NCAM2: variants seen among roughly 807,000 people sequenced by gnomAD.
The protein encoded by NCAM2 is N-CAM-2.
A neutral mutation model predicts 98.1 loss-of-function variants in NCAM2; 30 were observed. The ratio of observed to expected loss-of-function variants is 0.31; its 90% CI spans 0.23 to 0.41. NCAM2 has a LOEUF of 0.41. NCAM2 is among the 10% of genes least tolerant of loss of function. The pLI is 1.00. For missense variants in NCAM2, 867 were observed against 1,005.8 expected, an observed-to-expected ratio of 0.86 and a Z score of 1.87; for synonymous variants, 368 against 342.4, an observed-to-expected ratio of 1.07 and a Z score of -0.83.
chr21:21,265,373 C>G (rs2072201818), intron 1 of NCAM2, among the ~76,000 whole-genome samples: 2 of 17,394 alleles, frequency 1.1e-4, no homozygotes, highest in South Asian at 6.7e-3. Flanking sequence ...TATATATACA[C>G]ATACACATAT....
At chr21:21,045,483 A>G (rs1427763911) in intron 1 of NCAM2, among the ~76,000 whole-genome samples, 2 of 152,098 alleles carry the variant, frequency 1.3e-5, no homozygotes, top group Non-Finnish European at 2.9e-5. Flanking sequence ...CATCTCTACA[A>G]CAAAATTTAT....
At chr21:21,196,092 C>T (rs999437945) in intron 1 of NCAM2, among the ~76,000 whole-genome samples, 1 of 152,160 alleles carries the variant, frequency 6.6e-6, no homozygotes, top group Non-Finnish European at 1.5e-5. Flanking sequence ...TAACCAAAAA[C>T]TCTTTAGTGT....
chr21:21,423,694 A>C (rs373846406), intron 11 of NCAM2, among the ~76,000 whole-genome samples: 17 of 151,956 alleles, frequency 1.1e-4, no homozygotes, highest in African/African-American at 4.1e-4. Context: ...TCAGTTCAGG[A>C]CTCTATACTT....
At position 21,428,439 on chromosome 21, in the gene NCAM2, A is replaced by G. The variant is rs114529326; in HGVS notation, c.1481-3669A>G. Among the ~76,000 whole-genome samples the G allele has an allele frequency of 7.6e-3, 1,161 of 152,326 alleles. 14 individuals are homozygous for G. Among genetic ancestry groups the G allele is most frequent in the African/African-American group, 0.027 (1,113 of 41,570 alleles). ...GATCGAGACTAATGTTGTAATGAAAATGAAGCTCCTGAATACCATTGCAGG... is the reference window on the plus strand; with the variant it reads ...GATCGAGACTAATGTTGTAATGAAAGTGAAGCTCCTGAATACCATTGCAGG... On this transcript the variant is annotated intron_variant, in intron 11 of 17. Transcript: ENST00000400546.
chr21:21,511,864 G>A (rs560090960), intron 16 of NCAM2, among the ~76,000 whole-genome samples: 5 of 151,790 alleles, frequency 3.3e-5, no homozygotes, highest in African/African-American at 1.2e-4. Context: ...AGCATTTTTT[G>A]TATACTTGCT....
chr21:21,471,882 G>C (rs985444136), intron 14 of NCAM2, among the ~76,000 whole-genome samples: 1 of 151,998 alleles, frequency 6.6e-6, no homozygotes, highest in Admixed American at 6.6e-5. Flanking sequence ...AACAGAACTA[G>C]AGTAATAAAA....
chr21:21,404,439 T>C (rs1314372825), intron 9 of NCAM2, among the ~76,000 whole-genome samples: 1 of 152,104 alleles, frequency 6.6e-6, no homozygotes, highest in East Asian at 1.9e-4. Context: ...TTTGCTTGGC[T>C]CTCATTCTGT....
intron 1 of NCAM2, among the ~76,000 whole-genome samples, chr21:21,218,916 G>A (rs9306009): frequency 0.085 from 12,972 of 152,228 alleles, 1,041 homozygotes; most frequent in East Asian, 0.34. Context: ...GGTGGCACAT[G>A]CCTGTAATCC....
chr21:21,494,838 T>C (rs1987103994), intron 15 of NCAM2, among the ~76,000 whole-genome samples: 3 of 151,896 alleles, frequency 2.0e-5, no homozygotes. Flanking sequence ...AATATTTATT[T>C]TTAAAATTTT....
chr21:21,081,002 GT>G (rs1180638781), intron 1 of NCAM2, among the ~76,000 whole-genome samples: 1 of 152,096 alleles, frequency 6.6e-6, no homozygotes, highest in Non-Finnish European at 1.5e-5. Flanking sequence ...CAAGTGCACG[GT>G]TTGACCTTTT....
At chr21:21,277,186 G>A (rs543011337) in intron 1 of NCAM2, among the ~76,000 whole-genome samples, 2 of 151,904 alleles carry the variant, frequency 1.3e-5, no homozygotes, top group Admixed American at 6.6e-5. Context: ...CAATACAGTC[G>A]GTGTTCTATA....
intron 9 of NCAM2, among the ~76,000 whole-genome samples, chr21:21,401,253 T>A (rs2076623580): frequency 6.6e-6 from 1 of 151,478 alleles, no homozygotes; most frequent in South Asian, 2.1e-4. Context: ...TGTGATATTT[T>A]CATATATGTC....
chr21:21,269,514 G>T (rs2072414876), intron 1 of NCAM2, among the ~76,000 whole-genome samples: 1 of 152,252 alleles, frequency 6.6e-6, no homozygotes, highest in East Asian at 1.9e-4. Context: ...CTGTTACCAT[G>T]TGCTACTGAA....
Position 21,477,757 on chromosome 21 carries a change from G to A in NCAM2, c.2077+286G>A, listed in dbSNP as rs531103455. Among the ~76,000 whole-genome samples, 133 of 152,248 alleles carry A rather than the reference G, an allele frequency of 8.7e-4. 5 individuals are homozygous for A. In the South Asian group the frequency reaches 0.027, roughly 31 times the overall value. ...TGACTGATGATAATCAACGTGAAAA[G>A]TGTCTATTGAGGCCATACGAAAGCT... On this transcript the variant is annotated intron_variant, in intron 15 of 17. Transcript: ENST00000400546.
At chr21:21,460,334 C>G (rs75603927) in intron 12 of NCAM2, among the ~76,000 whole-genome samples, 1,529 of 151,984 alleles carry the variant, frequency 0.01, 31 homozygotes, top group African/African-American at 0.035. Flanking sequence ...AATCCAAACT[C>G]TGATGCTTAG....
rs1555829682 is a variant in NCAM2 at position 21,214,722 on chromosome 21, C to CATATATAT, written c.56-65838_56-65831dup. On this transcript the variant is annotated intron_variant, in intron 1 of 17. Transcript: ENST00000400546. ...TCAGGGGGAGTAAATATATATATTC[C>CATATATAT]ATATATATATATATATATATATATA... 2.7e-3 allele frequency among the ~76,000 whole-genome samples: 253 copies of CATATATAT among 92,598 alleles called. 3 individuals are homozygous for CATATATAT. Among genetic ancestry groups the CATATATAT allele is most frequent in the African/African-American group, 8.3e-3 (233 of 28,114 alleles). 60.7% of individuals were successfully genotyped at this position (92,598 alleles called of 152,430 possible).
chr21:21,440,919 A>G (rs1198932640), intron 12 of NCAM2, among the ~76,000 whole-genome samples: 1 of 152,186 alleles, frequency 6.6e-6, no homozygotes, highest in Non-Finnish European at 1.5e-5. Context: ...ATTTTTAGGT[A>G]GAAATATAAG....
At chr21:21,189,951 A>G (rs2068765236) in intron 1 of NCAM2, among the ~76,000 whole-genome samples, 1 of 152,188 alleles carries the variant, frequency 6.6e-6, no homozygotes, top group Non-Finnish European at 1.5e-5. Context: ...GAAACTTGCC[A>G]TGATAGATGG....
chr21:21,357,261 G>A (rs2075516615), intron 8 of NCAM2, among the ~76,000 whole-genome samples: 1 of 151,986 alleles, frequency 6.6e-6, no homozygotes, highest in Admixed American at 6.6e-5. Context: ...CTCTTTTTCA[G>A]TGTATTTTGC....
Sources: allele counts gnomAD v4.1 joint callset (sites outside exome capture counted in the v4.1 genomes callset), GRCh38; gene constraint gnomAD v4.1.1; transcripts MANE v1.5; gene names NCBI Gene and HGNC (gene_info 2026-07-23, HGNC 2026-07-21).